SUSD1: variants seen among roughly 807,000 people sequenced by gnomAD.
SUSD1 encodes the protein sushi domain containing 1, also known as sushi domain-containing protein 1.
SUSD1 carries 65 observed loss-of-function variants against 86.9 expected under a neutral mutation model. The ratio of observed to expected loss-of-function variants is 0.75; its 90% CI spans 0.61 to 0.92. The LOEUF (loss-of-function observed/expected upper bound fraction) is 0.92. Ranked by LOEUF, SUSD1 falls within the 40% of genes least tolerant of loss-of-function variation. SUSD1 has a pLI of 0.00. For synonymous variants in SUSD1, 346 were observed against 350.0 expected (o/e 0.99, Z 0.13); for missense variants, 850 against 929.7 (o/e 0.91, Z 1.11).
chr9:112,160,381 TAAAAATAC>T (rs1020057942), intron 1 of SUSD1, among the ~76,000 whole-genome samples: 6 of 151,844 alleles, frequency 4.0e-5, no homozygotes, highest in African/African-American at 1.5e-4. Context: ...CCATCTCTCC[TAAAAATAC>T]AAAAATTAGC....
At chr9:112,136,645 T>C (rs1832279623) in intron 5 of SUSD1, among the ~76,000 whole-genome samples, 1 of 152,216 alleles carries the variant, frequency 6.6e-6, no homozygotes, top group African/African-American at 2.4e-5. Flanking sequence ...GCATCATTAG[T>C]CAATCACAGC....
At chr9:112,107,256 AAAAAAAAAAAAAAAAAAG>A (rs1372474613) in intron 8 of SUSD1, among the ~76,000 whole-genome samples, 2 of 112,994 alleles carry the variant, frequency 1.8e-5, no homozygotes, top group Non-Finnish European at 4.2e-5. Context: ...CCATATCTCA[AAAAAAAAAAAAAAAAAAG>A]AAAAGAAAGA....
intron 7 of SUSD1, chr9:112,112,125 AC>A (rs946264182): frequency 1.2e-4 from 35 of 298,076 alleles, no homozygotes; most frequent in African/African-American, 6.7e-4. Context: ...GCACTCTGTC[AC>A]CAAGTCAGCA....
At position 112,175,074 on chromosome 9, in the gene SUSD1, C is replaced by A; in HGVS notation, c.103+59G>T. ...GGGGAAGCGTCCGTGCGCCCAGAGTCCTCGAGGCCCAGCCGGGGGCCCCGC... is the reference window on the plus strand; with the variant it reads ...GGGGAAGCGTCCGTGCGCCCAGAGTACTCGAGGCCCAGCCGGGGGCCCCGC... On this transcript the variant is annotated intron_variant, in intron 1 of 16. Coordinates refer to ENST00000374270, the MANE Select transcript of SUSD1 (RefSeq NM_022486.5). This position sits in a 1 kb window ranked among gnomAD's most constrained non-coding sequence, Gnocchi z 4.7. The A allele has an allele frequency of 1.0e-6, 1 of 997,682 alleles. No individual in the cohort carries two copies. Among genetic ancestry groups the A allele is most frequent in the Non-Finnish European group, 1.2e-6 (1 of 838,706 alleles). 61.8% of individuals were successfully genotyped at this position (997,682 alleles called of 1,614,324 possible).
intron 8 of SUSD1, among the ~76,000 whole-genome samples, chr9:112,109,724 G>T (rs1831010541): frequency 6.6e-6 from 1 of 152,304 alleles, no homozygotes; most frequent in Admixed American, 6.5e-5. Flanking sequence ...CATCCTCACT[G>T]AACAGTGGCA....
intron 12 of SUSD1, among the ~76,000 whole-genome samples, chr9:112,064,046 T>TTTTTTTTTTTTTTTTTTTTTGGGG (rs1491139474): frequency 1.3e-5 from 1 of 78,654 alleles, no homozygotes; most frequent in Non-Finnish European, 3.0e-5. Flanking sequence ...TTTCTTTTTT[T>TTTTTTTTTTTTTTTTTTTTTGGGG]GGGGGGGGGG....
intron 10 of SUSD1, among the ~76,000 whole-genome samples, chr9:112,089,058 G>A (rs1004855516): frequency 3.3e-5 from 5 of 152,306 alleles, no homozygotes; most frequent in Admixed American, 3.3e-4. Context: ...AGTGAGCTAT[G>A]ATCAATCCAC....
intron 10 of SUSD1, among the ~76,000 whole-genome samples, chr9:112,085,763 G>A (rs1425449622): frequency 6.6e-6 from 1 of 152,136 alleles, no homozygotes; most frequent in Non-Finnish European, 1.5e-5. Context: ...ATATATTACC[G>A]ATCAGAGTTC....
intron 5 of SUSD1, among the ~76,000 whole-genome samples, chr9:112,132,467 A>G (rs751859357): frequency 5.8e-4 from 89 of 152,354 alleles, no homozygotes; most frequent in Middle Eastern, 3.4e-3. Context: ...GTCAGTTTTC[A>G]TCTTTACCCA....
intron 12 of SUSD1, among the ~76,000 whole-genome samples, chr9:112,077,501 T>C (rs1829570367): frequency 1.0e-5 from 1 of 96,588 alleles, no homozygotes; most frequent in Non-Finnish European, 2.1e-5. Flanking sequence ...GTAATCTACT[T>C]TTTTTTTTTT....
Position 112,102,139 on chromosome 9 carries a change from A to G in SUSD1, c.1281+37T>C, listed in dbSNP as rs1272106223. ...GAGATCGCCCAAATTTTTAAATGAC[A>G]CAATTCTTTAATGGAAAGCATAAGA... On this transcript the variant is annotated intron_variant, in intron 9 of 16. Transcript: ENST00000374270. The G allele has an allele frequency of 4.8e-6, 6 of 1,258,446 alleles. No individual in the cohort carries two copies. The African/African-American group carries it at 9.3e-5, about 19-fold the overall frequency. 78.0% of individuals were successfully genotyped at this position (1,258,446 alleles called of 1,614,324 possible). A position where few individuals can be genotyped will look rare whatever the true frequency, so the allele number is the denominator to read the frequency against.
At chr9:112,090,276 C>T (rs1281425153) in intron 10 of SUSD1, among the ~76,000 whole-genome samples, 2 of 152,084 alleles carry the variant, frequency 1.3e-5, no homozygotes, top group African/African-American at 4.8e-5. Flanking sequence ...TAATTCCTTG[C>T]AAAATCTGGT....
chr9:112,059,180 A>C (rs776627113), intron 13 of SUSD1, among the ~76,000 whole-genome samples: 3 of 152,206 alleles, frequency 2.0e-5, no homozygotes, highest in Non-Finnish European at 4.4e-5. Flanking sequence ...GATGGCTCCA[A>C]CCATCATGGA....
chr9:112,077,243 A>G (rs1829556324), intron 12 of SUSD1, among the ~76,000 whole-genome samples: 1 of 152,132 alleles, frequency 6.6e-6, no homozygotes, highest in South Asian at 2.1e-4. Context: ...AGCCTTACAC[A>G]CGAGCAGGGA....
chr9:112,128,267 T>C (rs567236973), intron 5 of SUSD1, among the ~76,000 whole-genome samples: 8 of 151,940 alleles, frequency 5.3e-5, no homozygotes, highest in Non-Finnish European at 1.2e-4. Context: ...TAATTTTTTG[T>C]AGTTTTAGTA....
At chr9:112,155,144 G>A (rs377659230) in intron 2 of SUSD1, among the ~76,000 whole-genome samples, 4 of 151,758 alleles carry the variant, frequency 2.6e-5, no homozygotes, top group Non-Finnish European at 5.9e-5. Context: ...CTAGCTACTC[G>A]GGAGGCTGAG....
chr9:112,109,134 A>G (rs2131638017), intron 8 of SUSD1, among the ~76,000 whole-genome samples: 1 of 152,348 alleles, frequency 6.6e-6, no homozygotes. Context: ...TTGACTCAAG[A>G]AAATGTCAGA....
In SUSD1 at chr9:112,093,381, C is replaced by T. The variant is rs115586193; in HGVS notation, c.1474+5089G>A. On this transcript the variant is annotated intron_variant, in intron 10 of 16. Transcript: ENST00000374270. ...GTACAAGGAGCACTCTGGGTATCTC[C>T]GGTCTCCAAGAGGTAAGCACCCAGT... is the stretch of plus-strand genomic sequence containing the variant. 7.9e-3 allele frequency among the ~76,000 whole-genome samples: 1,198 copies of T among 152,288 alleles called. 13 individuals are homozygous for T. Among genetic ancestry groups the T allele is most frequent in the African/African-American group, 0.027 (1,130 of 41,564 alleles).
chr9:112,155,593 GT>G (rs922489310), intron 2 of SUSD1, among the ~76,000 whole-genome samples: 2 of 151,884 alleles, frequency 1.3e-5, no homozygotes, highest in Non-Finnish European at 2.9e-5. Flanking sequence ...TTTTTTTTTG[GT>G]TTTTTTGTTT....
Sources: allele counts gnomAD v4.1 joint callset (sites outside exome capture counted in the v4.1 genomes callset), GRCh38; gene constraint gnomAD v4.1.1; non-coding constraint Gnocchi (gnomAD v3.1); transcripts MANE v1.5; gene names NCBI Gene and HGNC (gene_info 2026-07-23, HGNC 2026-07-21).